Variants in CSKMT observed in about 807,000 individuals in gnomAD.
CSKMT encodes citrate synthase-lysine N-methyltransferase CSKMT, mitochondrial.
Under a neutral mutation model 4.6 loss-of-function variants are expected in CSKMT, and 6 were observed. That is an observed-to-expected ratio of 1.31 (90% CI 0.72 to 2.59). The LOEUF is 2.59. CSKMT is among the 30% of genes most tolerant of loss of function. CSKMT has a pLI of 0.00. For missense variants in CSKMT, 328 were observed against 298.0 expected (o/e 1.10, Z -0.74); for synonymous variants, 142 against 128.9 (o/e 1.10, Z -0.69).
At position 62,666,975 on chromosome 11, in the gene CSKMT, G is replaced by A; in HGVS notation, c.647G>A (p.Trp216Ter). 6.2e-7 allele frequency: 1 copy of A among 1,614,148 alleles called. No homozygotes were observed. The highest frequency in any genetic ancestry group is 1.3e-5 in the African/African-American group (1 of 75,054). Residue 216 changes from tryptophan (W) to a stop codon, truncating the protein, a stop_gained, in exon 3 of 3, where the codon TGG becomes TAG. Coordinates refer to ENST00000532971, the MANE Select transcript of CSKMT (RefSeq NM_001043229.2). LOFTEE classifies it high-confidence loss of function. ...LPCLEQGSYG[W>*]TVTVQELGPF... is the part of the protein sequence containing the mutation. ...TGCCTGGAACAAGGGTCCTATGGCTGGACTGTGACTGTGCAGGAGCTAGGC... is the reference window on the plus strand; with the variant it reads ...TGCCTGGAACAAGGGTCCTATGGCTAGACTGTGACTGTGCAGGAGCTAGGC...
chr11:62,667,659 A>C lies in CSKMT; in HGVS notation c.*608A>C, dbSNP rs763799494. Reference sequence around the variant, plus strand: ...CTGTGTCCTCAAGAATCCAACAAGCATCTTCTTCATCCTGGTCCTGCCCCC... The same window carrying C: ...CTGTGTCCTCAAGAATCCAACAAGCCTCTTCTTCATCCTGGTCCTGCCCCC... On this transcript the variant is annotated 3_prime_UTR_variant, in exon 3 of 3. Coordinates refer to ENST00000532971, the MANE Select transcript of CSKMT (RefSeq NM_001043229.2). 2 of 1,614,068 alleles carry C rather than the reference A, an allele frequency of 1.2e-6. No individual in the cohort carries two copies. The highest frequency in any genetic ancestry group is 4.5e-5 in the East Asian group (2 of 44,908).
chr11:62,666,987 T>G lies in CSKMT; in HGVS notation c.659T>G (p.Val220Gly). 2.5e-6 allele frequency: 4 copies of G among 1,614,092 alleles called. No homozygotes were observed. The highest frequency in any genetic ancestry group is 3.4e-6 in the Non-Finnish European group (4 of 1,179,994). Residue 220 changes from valine (V) to glycine (G), a missense_variant, in exon 3 of 3, where the codon GTG becomes GGG. Val to Gly is a moderately radical substitution (Grantham distance 109). Coordinates refer to ENST00000532971, the MANE Select transcript of CSKMT (RefSeq NM_001043229.2). ...EQGSYGWTVT[V>G]QELGPFRGIT... ...GGGTCCTATGGCTGGACTGTGACTGTGCAGGAGCTAGGCCCGTTCAGGGGC... is the reference window on the plus strand; with the variant it reads ...GGGTCCTATGGCTGGACTGTGACTGGGCAGGAGCTAGGCCCGTTCAGGGGC...
At chr11:62,665,995 G>A (rs371004419) in intron 2 of CSKMT, 49 bp downstream of exon 2, 15 of 1,576,746 alleles carry the variant, frequency 9.5e-6, no homozygotes, top group South Asian at 6.7e-5. Context: ...GGCAGAGTGG[G>A]GAGGGTAAGG....
At position 62,667,593 on chromosome 11, in the gene CSKMT, T is replaced by G; in HGVS notation, c.*542T>G. 1 of 1,614,172 alleles carries G rather than the reference T, an allele frequency of 6.2e-7. No individual in the cohort carries two copies. The highest frequency in any genetic ancestry group is 8.5e-7 in the Non-Finnish European group (1 of 1,180,022). On this transcript the variant is annotated 3_prime_UTR_variant, in exon 3 of 3. Coordinates refer to ENST00000532971, the MANE Select transcript of CSKMT (RefSeq NM_001043229.2). ...CACTTCTACAAACACGGGAGCCTGT[T>G]GAGTCCCAGAAGGGACAGTGGTTGG...
intron 2 of CSKMT, 44 bp from the exon 3 acceptor site, chr11:62,666,352 A>T: frequency 6.3e-7 from 1 of 1,594,564 alleles, no homozygotes; most frequent in Non-Finnish European, 8.5e-7. Flanking sequence ...ACGTTTTTGC[A>T]GTGGCGACAT....
In CSKMT at chr11:62,667,896, A is replaced by AATAAAGTGAG; in HGVS notation, c.*845_*846insATAAAGTGAG. 1.6e-6 allele frequency: 1 copy of AATAAAGTGAG among 615,106 alleles called. No homozygotes were observed. Among genetic ancestry groups the AATAAAGTGAG allele is most frequent in the Non-Finnish European group, 2.9e-6 (1 of 347,440 alleles). 38.1% of individuals were successfully genotyped at this position (615,106 alleles called of 1,614,324 possible). A position where few individuals can be genotyped will look rare whatever the true frequency, so the allele number is the denominator to read the frequency against. Reference sequence around the variant, plus strand: ...GCTTGAGCCCTGGCAATAAAGTGACACCCCTAACTCTACAAAAACAAATGA... The same window carrying AATAAAGTGAG: ...GCTTGAGCCCTGGCAATAAAGTGACAATAAAGTGAGCCCCTAACTCTACAAAAACAAATGA... On this transcript the variant is annotated 3_prime_UTR_variant, in exon 3 of 3. Coordinates refer to ENST00000532971, the MANE Select transcript of CSKMT (RefSeq NM_001043229.2).
In CSKMT at chr11:62,667,487, GGATGA is replaced by G. The variant is rs899871249; in HGVS notation, c.*440_*444del. 75 of 1,597,618 alleles carry G rather than the reference GGATGA, an allele frequency of 4.7e-5. No individual in the cohort carries two copies. Among genetic ancestry groups the G allele is most frequent in the Non-Finnish European group, 6.2e-5 (72 of 1,165,318 alleles). ...TGGGTATAAGGAGCTTCATAAACCT[GGATGA>G]GATATTTGAGGGGGAGGGAACAATA... is the stretch of plus-strand genomic sequence containing the variant. On this transcript the variant is annotated 3_prime_UTR_variant, in exon 3 of 3. Transcript: ENST00000532971.
rs1226705588 is a variant in CSKMT, at chr11:62,667,311, T to C, written c.*260T>C. The C allele has an allele frequency of 6.2e-6, 4 of 644,508 alleles. No individual in the cohort carries two copies. Among genetic ancestry groups the C allele is most frequent in the African/African-American group, 3.7e-5 (2 of 54,494 alleles). The allele number at this position is 644,508 out of a possible 1,614,324, so 39.9% of individuals were successfully genotyped here. On this transcript the variant is annotated 3_prime_UTR_variant, in exon 3 of 3. Transcript: ENST00000532971. Reference sequence around the variant, plus strand: ...TGAATGCTGAAAAGAGAAGGTACAATTGGGTCATTCCCCAGTTTCAACTAA... The same window carrying C: ...TGAATGCTGAAAAGAGAAGGTACAACTGGGTCATTCCCCAGTTTCAACTAA...
chr11:62,665,952 G>T lies in CSKMT; in HGVS notation c.67+6G>T. ...GACGTGCCGCCCCTTTGCGGGTAGG[G>T]AGGTGGGGGCAGAGTGGAGAGGGCA... On this transcript the variant is annotated splice_donor_region_variant and intron_variant, in intron 2 of 2. Coordinates refer to ENST00000532971, the MANE Select transcript of CSKMT (RefSeq NM_001043229.2). 6.2e-7 allele frequency: 1 copy of T among 1,610,550 alleles called. No homozygotes were observed.
intron 2 of CSKMT, 128 bp from the exon 3 acceptor site, chr11:62,666,268 C>A: frequency 1.1e-6 from 1 of 944,710 alleles, no homozygotes; most frequent in Non-Finnish European, 1.7e-6. Context: ...CATCATTGTG[C>A]TACTGTACTC....
intron 2 of CSKMT, 75 bp downstream of exon 2, chr11:62,666,021 T>G (rs1444300459): frequency 4.6e-5 from 68 of 1,489,718 alleles, no homozygotes; most frequent in Non-Finnish European, 1.0e-5. Flanking sequence ...TCCTCGTGAG[T>G]CAGGAGTGTA....
At position 62,666,426 on chromosome 11, in the gene CSKMT, G is replaced by C. The variant is rs72927292; in HGVS notation, c.98G>C (p.Arg33Pro). ...GSLADSCLAD[R>P]CLWDRLHAQP... ...CTGGCTGATAGTTGCCTGGCGGACC[G>C]CTGTCTCTGGGATCGGCTGCATGCC... is the stretch of plus-strand genomic sequence containing the variant. Residue 33 changes from arginine (R) to proline (P), a missense_variant, in exon 3 of 3, where the codon CGC (arginine) becomes CCC (proline). By Grantham distance (103) the Arg-to-Pro change is moderately radical (BLOSUM62 -2). Transcript: ENST00000532971. 1 of 1,611,800 alleles carries C rather than the reference G, an allele frequency of 6.2e-7. No individual in the cohort carries two copies. Among genetic ancestry groups the C allele is most frequent in the South Asian group, 1.1e-5 (1 of 91,084 alleles).
In CSKMT at chr11:62,666,777, C is replaced by T. The variant is rs775374841; in HGVS notation, c.449C>T (p.Ala150Val). ...FMHADAQNLGAVASSGSFQLL... is the reference protein window; with the variant it reads ...FMHADAQNLGVVASSGSFQLL... ...CACGCCGATGCTCAGAACCTGGGGG[C>T]TGTGGCTTCTTCAGGCTCTTTCCAA... is the stretch of plus-strand genomic sequence containing the variant. Residue 150 changes from alanine to valine, a missense_variant, in exon 3 of 3, where the codon GCT (alanine) becomes GTT (valine). By Grantham distance (64) the Ala-to-Val change is moderately conservative (BLOSUM62 0). Coordinates refer to ENST00000532971, the MANE Select transcript of CSKMT (RefSeq NM_001043229.2). 14 of 1,614,184 alleles carry T rather than the reference C, an allele frequency of 8.7e-6. No homozygotes were observed. In the South Asian group the frequency reaches 1.5e-4, roughly 18 times the overall value.
Position 62,666,405 on chromosome 11 carries a change from C to A in CSKMT, c.77C>A (p.Ala26Asp). 6.2e-7 allele frequency: 1 copy of A among 1,609,714 alleles called. No homozygotes were observed. Among genetic ancestry groups the A allele is most frequent in the Non-Finnish European group, 8.5e-7 (1 of 1,180,004 alleles). The change falls in exon 3 of 3, where the codon GCT becomes GAT. Residue 26 changes from alanine (A) to aspartate (D), a missense_variant. Physicochemically the swap from Ala to Asp is moderately radical, Grantham distance 126. Coordinates refer to ENST00000532971, the MANE Select transcript of CSKMT (RefSeq NM_001043229.2). The part of the protein sequence containing the change: ...GTCRPFAGSL[A>D]DSCLADRCLW... Reference sequence around the variant, plus strand: ...CCAACCGTGCCCACAGGCTCACTGGCTGATAGTTGCCTGGCGGACCGCTGT... The same window carrying A: ...CCAACCGTGCCCACAGGCTCACTGGATGATAGTTGCCTGGCGGACCGCTGT...
At chr11:62,666,166 A>G (rs1355730612) in intron 2 of CSKMT, 1 of 700,306 alleles carries the variant, frequency 1.4e-6, no homozygotes. Context: ...AGGGCAACAT[A>G]GCGAGACCCT....
At chr11:62,666,052 C>CA (rs1944800785) in intron 2 of CSKMT, 106 bp downstream of exon 2, 7 of 1,303,736 alleles carry the variant, frequency 5.4e-6, no homozygotes, top group Non-Finnish European at 7.4e-6. Flanking sequence ...TTGTGATTCT[C>CA]AAACCCTACG....
At chr11:62,666,172 AC>A in intron 2 of CSKMT, 1 of 699,232 alleles carries the variant, frequency 1.4e-6, no homozygotes, top group Non-Finnish European at 2.4e-6. Flanking sequence ...ACATAGCGAG[AC>A]CCTGTCTACA....
At position 62,667,024 on chromosome 11, in the gene CSKMT, T is replaced by G; in HGVS notation, c.696T>G (p.Phe232Leu). 4 of 1,607,406 alleles carry G rather than the reference T, an allele frequency of 2.5e-6. No individual in the cohort carries two copies. Among genetic ancestry groups the G allele is most frequent in the Non-Finnish European group, 3.4e-6 (4 of 1,176,748 alleles). The part of the protein sequence containing the change: ...ELGPFRGITY[F>L]AYLIQGSH ...GCCCGTTCAGGGGCATCACCTACTT[T>G]GCTTACTTGATTCAAGGCTCTCATT... is the stretch of plus-strand genomic sequence containing the variant. The change falls in exon 3 of 3, where the codon TTT becomes TTG. Residue 232 changes from phenylalanine to leucine, a missense_variant. By Grantham distance (22) the Phe-to-Leu change is conservative. Coordinates refer to ENST00000532971, the MANE Select transcript of CSKMT (RefSeq NM_001043229.2).
Position 62,666,474 on chromosome 11 carries a change from C to T in CSKMT, c.146C>T (p.Pro49Leu). Residue 49 changes from proline to leucine, a missense_variant, in exon 3 of 3, where the codon CCC (proline) becomes CTC (leucine). Coordinates refer to ENST00000532971, the MANE Select transcript of CSKMT (RefSeq NM_001043229.2). ...GCCCAGCCTCGTTTGGGCACTGTCC[C>T]CACCTTCGACTGGTTCTTTGGATAC... is the stretch of plus-strand genomic sequence containing the variant. ...LHAQPRLGTV[P>L]TFDWFFGYDE... 1 of 1,613,914 alleles carries T rather than the reference C, an allele frequency of 6.2e-7. No individual in the cohort carries two copies. The highest frequency in any genetic ancestry group is 8.5e-7 in the Non-Finnish European group (1 of 1,180,044).
Sources: allele counts gnomAD v4.1 joint callset, GRCh38; gene constraint gnomAD v4.1.1; transcripts MANE v1.5; gene names NCBI Gene and HGNC (gene_info 2026-07-23, HGNC 2026-07-21).